The following PDE1C variants were observed in gnomAD, a reference collection of about 807,000 sequenced individuals.
The protein encoded by PDE1C is phosphodiesterase 1C, also known as dual specificity calcium/calmodulin-dependent 3',5'-cyclic nucleotide phosphodiesterase 1C.
In PDE1C, 62 loss-of-function variants were observed where a neutral mutation model predicts 93.1. The observed-to-expected ratio is 0.67, with a 90% CI of 0.54 to 0.82. PDE1C has a LOEUF of 0.82. Ranked by LOEUF, PDE1C falls within the 40% of genes least tolerant of loss-of-function variation. PDE1C has a pLI of 0.00. For synonymous variants in PDE1C, 325 were observed against 310.1 expected, an observed-to-expected ratio of 1.05 and a Z score of -0.50; for missense variants, 742 against 884.6, an observed-to-expected ratio of 0.84 and a Z score of 2.04.
chr7:32,061,970 C>T (rs1794862931), intron 1 of PDE1C, among the ~76,000 whole-genome samples: 1 of 152,116 alleles, frequency 6.6e-6, no homozygotes, highest in Non-Finnish European at 1.5e-5. Flanking sequence ...AATTTTCCTG[C>T]TTACTTTGCT....
intron 2 of PDE1C, among the ~76,000 whole-genome samples, chr7:31,998,526 T>C (rs543317745): frequency 2.6e-5 from 4 of 152,312 alleles, no homozygotes; most frequent in Admixed American, 2.6e-4. Flanking sequence ...TGTACACATC[T>C]AGGTACAACT....
At chr7:32,071,084 G>GCGGGCACCGCCGTCTGC, upstream of PDE1C, 1 of 985,394 alleles carries the variant, frequency 1.0e-6, no homozygotes, top group Non-Finnish European at 1.2e-6. Context: ...GGAGGGGCGC[G>GCGGGCACCGCCGTCTGC]CGGGCACCGC....
chr7:32,084,492 C>G (rs1324291196), intron 3 of PDE1C, among the ~76,000 whole-genome samples: 1 of 148,172 alleles, frequency 6.7e-6, no homozygotes, highest in Non-Finnish European at 1.5e-5. Context: ...CAGCTCTGCA[C>G]CAAGCAGACC....
At chr7:31,995,542 T>G (rs949616835) in intron 2 of PDE1C, among the ~76,000 whole-genome samples, 4 of 152,224 alleles carry the variant, frequency 2.6e-5, no homozygotes, top group Admixed American at 2.6e-4. Context: ...TATCATATTA[T>G]GTTCCTATTT....
chr7:31,889,558 G>T (rs1337941793), intron 2 of PDE1C, among the ~76,000 whole-genome samples: 3 of 152,098 alleles, frequency 2.0e-5, no homozygotes, highest in African/African-American at 7.2e-5. Flanking sequence ...CATTCCTTTG[G>T]TTTTCGTGAA....
In PDE1C at chr7:31,907,070, G is replaced by GGGGTGTGTGT. The variant is rs148177545; in HGVS notation, c.129-26211_129-26210insACACACACCC. Among the ~76,000 whole-genome samples, 39 of 145,204 alleles carry GGGGTGTGTGT rather than the reference G, an allele frequency of 2.7e-4. 1 individual carries two copies. Among genetic ancestry groups the GGGGTGTGTGT allele is most frequent in the Admixed American group, 6.9e-4 (10 of 14,560 alleles). On this transcript the variant is annotated intron_variant, in intron 2 of 17. Coordinates refer to ENST00000396191, the MANE Select transcript of PDE1C (RefSeq NM_001191057.4). Reference sequence around the variant, plus strand: ...GAGCCAACCATTTCTTGATATGTGGGGTGTGTGTGTGTGTGTGTGTGTGTG... The same window carrying GGGGTGTGTGT: ...GAGCCAACCATTTCTTGATATGTGGGGGGTGTGTGTGTGTGTGTGTGTGTGTGTGTGTGTG...
intron 3 of PDE1C, among the ~76,000 whole-genome samples, chr7:32,129,665 T>A (rs1290891403): frequency 6.6e-6 from 1 of 152,054 alleles, no homozygotes; most frequent in African/African-American, 2.4e-5. Flanking sequence ...AATACCAGCT[T>A]TCCTCAGATT....
chr7:32,008,857 G>A (rs992933414), intron 2 of PDE1C, among the ~76,000 whole-genome samples: 3 of 151,954 alleles, frequency 2.0e-5, no homozygotes, highest in African/African-American at 7.3e-5. Context: ...AGTTACAAAA[G>A]TTTGTTTACC....
At chr7:32,176,609 T>C (rs890166397) in intron 2 of PDE1C, among the ~76,000 whole-genome samples, 2 of 152,198 alleles carry the variant, frequency 1.3e-5, no homozygotes, top group Non-Finnish European at 2.9e-5. Context: ...ATAATTATAA[T>C]GGAAAATAAT....
intron 9 of PDE1C, among the ~76,000 whole-genome samples, chr7:31,843,540 T>A (rs575139124): frequency 6.6e-6 from 1 of 152,000 alleles, no homozygotes. Flanking sequence ...TTGGTACATC[T>A]TACATACTTT....
chr7:31,881,533 TA>T (rs1221134523), intron 2 of PDE1C, among the ~76,000 whole-genome samples: 1 of 152,224 alleles, frequency 6.6e-6, no homozygotes, highest in Non-Finnish European at 1.5e-5. Context: ...ACAGAGGACT[TA>T]GTATTCATGA....
intron 17 of PDE1C, among the ~76,000 whole-genome samples, chr7:31,774,836 G>A (rs1230475813): frequency 6.6e-6 from 1 of 152,134 alleles, no homozygotes. Flanking sequence ...GGTAATCTTG[G>A]TTAACCCTGA....
chr7:31,637,974 C>T, the PDE1C span, among the ~76,000 whole-genome samples: 14 of 152,302 alleles, frequency 9.2e-5, no homozygotes, highest in South Asian at 1.2e-3. Flanking sequence ...GTTTTCCCAA[C>T]ACCATTTATT....
rs564329885 is a variant in PDE1C at position 31,786,812 on chromosome 7, G to A, written c.1892-11080C>T. On this transcript the variant is annotated intron_variant, in intron 16 of 17. Transcript: ENST00000396191. ...TGCTTTTTTTCTATTGTTTTTCCTA[G>A]GCTCCATGGGGAATGTTACAAAGTA... 2.6e-5 allele frequency: 4 copies of A among 152,070 alleles called. No homozygotes were observed. The South Asian group carries it at 6.2e-4, about 24-fold the overall frequency. The allele number at this position is 152,070 out of a possible 1,614,324, so 9.4% of individuals were successfully genotyped here.
chr7:32,127,103 T>A (rs1246012262), intron 3 of PDE1C, among the ~76,000 whole-genome samples: 1 of 152,178 alleles, frequency 6.6e-6, no homozygotes. Flanking sequence ...TGGCTTGAGT[T>A]GGGACATTAA....
chr7:31,802,889 G>A (rs555336448), intron 16 of PDE1C, among the ~76,000 whole-genome samples: 2 of 151,682 alleles, frequency 1.3e-5, no homozygotes, highest in Admixed American at 6.6e-5. Context: ...CTTTTGTGCA[G>A]TTTTCCTTAT....
intron 1 of PDE1C, among the ~76,000 whole-genome samples, chr7:32,267,110 C>G (rs1810631303): frequency 6.6e-6 from 1 of 152,212 alleles, no homozygotes; most frequent in Non-Finnish European, 1.5e-5. Flanking sequence ...GGCGGGGCCT[C>G]GACCCAAAGC....
At chr7:31,794,005 T>C (rs1488883819) in intron 16 of PDE1C, among the ~76,000 whole-genome samples, 1 of 70,134 alleles carries the variant, frequency 1.4e-5, no homozygotes, top group African/African-American at 5.9e-5. Flanking sequence ...GATAGATAGA[T>C]AGATAGATAG....
intron 6 of PDE1C, among the ~76,000 whole-genome samples, chr7:31,868,470 G>C (rs1056415969): frequency 1.1e-4 from 16 of 152,014 alleles, no homozygotes; most frequent in African/African-American, 3.6e-4. Context: ...TTCAGAACTA[G>C]AAGACAGGTC....
Sources: gnomAD v4.1 joint callset for allele counts (sites outside exome capture counted in the v4.1 genomes callset) on GRCh38, gnomAD v4.1.1 for gene constraint, MANE v1.5 for transcripts, NCBI Gene and HGNC (gene_info 2026-07-23, HGNC 2026-07-21) for gene names.